Variants in GNAL observed in about 807,000 individuals in gnomAD.
GNAL encodes the protein guanine nucleotide-binding protein G(olf) subunit alpha.
In GNAL, 18 loss-of-function variants were observed where a neutral mutation model predicts 55.1. The ratio of observed to expected loss-of-function variants is 0.33; its 90% CI spans 0.23 to 0.48. The LOEUF is 0.48. Among genes scored for constraint, GNAL ranks in the 20% least tolerant of loss-of-function variants. The probability of loss-of-function intolerance (pLI) is 0.99; values close to 1 mark genes in which losing one functional copy is unlikely to be tolerated. For missense variants in GNAL, 412 were observed against 614.1 expected (o/e 0.67, Z 3.48); for synonymous variants, 253 against 237.0 (o/e 1.07, Z -0.62).
chr18:11,720,420 A>G (rs1033926481), intron 1 of GNAL, among the ~76,000 whole-genome samples: 17 of 152,232 alleles, frequency 1.1e-4, no homozygotes, highest in Non-Finnish European at 2.5e-4. Context: ...AAGTGCTCCC[A>G]TTATCAAAAT....
intron 5 of GNAL, among the ~76,000 whole-genome samples, chr18:11,844,800 C>A (rs2035695572): frequency 6.6e-6 from 1 of 152,136 alleles, no homozygotes; most frequent in Non-Finnish European, 1.5e-5. Context: ...TAATGTGCAA[C>A]AAAATTAACT....
At chr18:11,795,786 A>T (rs2034362914) in intron 4 of GNAL, among the ~76,000 whole-genome samples, 1 of 152,210 alleles carries the variant, frequency 6.6e-6, no homozygotes. Flanking sequence ...CCCTTGGCTG[A>T]GAAGAGCTCC....
chr18:11,877,734 C>T (rs1374517713), intron 11 of GNAL, among the ~76,000 whole-genome samples: 8 of 152,158 alleles, frequency 5.3e-5, no homozygotes, highest in African/African-American at 1.4e-4. Context: ...CCACGGGGAC[C>T]GGCACTCCAG....
intron 4 of GNAL, among the ~76,000 whole-genome samples, chr18:11,816,630 A>G (rs960696950): frequency 6.6e-6 from 1 of 151,990 alleles, no homozygotes; most frequent in East Asian, 1.9e-4. Context: ...CCTGGCCAAC[A>G]CGGTGAAACC....
intron 5 of GNAL, chr18:11,854,569 G>T (rs994539545): frequency 7.6e-5 from 12 of 157,152 alleles, no homozygotes; most frequent in African/African-American, 2.9e-4. Flanking sequence ...ATCACCTGAG[G>T]TCAGGAGTTT....
chr18:11,733,831 C>T (rs1354939911), intron 1 of GNAL, among the ~76,000 whole-genome samples: 1 of 148,950 alleles, frequency 6.7e-6, no homozygotes, highest in African/African-American at 2.5e-5. Flanking sequence ...GCTCTATAGC[C>T]ATGCAACAAA....
intron 4 of GNAL, among the ~76,000 whole-genome samples, chr18:11,768,910 A>G (rs2033506560): frequency 1.5e-5 from 2 of 132,210 alleles, no homozygotes; most frequent in African/African-American, 2.9e-5. Flanking sequence ...AAAAAAAAAT[A>G]TATATATAAC....
intron 4 of GNAL, among the ~76,000 whole-genome samples, chr18:11,788,928 T>TATATATATAC (rs1555650670): frequency 5.6e-4 from 64 of 114,900 alleles, no homozygotes; most frequent in Admixed American, 7.9e-4. Flanking sequence ...TATATATATA[T>TATATATATAC]ATATATATAC....
chr18:11,880,224 T>C (rs895448510), intron 11 of GNAL, among the ~76,000 whole-genome samples: 1 of 150,916 alleles, frequency 6.6e-6, no homozygotes, highest in African/African-American at 2.4e-5. Flanking sequence ...ACCACTGCAC[T>C]CCAGCCTGGG....
At position 11,689,743 on chromosome 18, in the gene GNAL, C is replaced by G; in HGVS notation, c.180C>G (p.Ser60Arg). The G allele has an allele frequency of 6.6e-7, 1 of 1,506,088 alleles. No homozygotes were observed. Among genetic ancestry groups the G allele is most frequent in the Non-Finnish European group, 8.8e-7 (1 of 1,131,184 alleles). 93.3% of individuals were successfully genotyped at this position (1,506,088 alleles called of 1,614,324 possible). The part of the protein sequence containing the change: ...RTLLPRGGEG[S>R]PACARPKADK... ...TGCTCCCTCGGGGCGGCGAAGGGAG[C>G]CCGGCATGCGCTCGGCCCAAAGCAG... The change falls in exon 1 of 12, where the codon AGC becomes AGG. Residue 60 changes from serine to arginine, a missense_variant. By Grantham distance (110) the Ser-to-Arg change is moderately radical. Transcript: ENST00000334049.
chr18:11,778,782 A>T (rs2033852093), intron 4 of GNAL, among the ~76,000 whole-genome samples: 1 of 151,930 alleles, frequency 6.6e-6, no homozygotes, highest in South Asian at 2.1e-4. Context: ...AATTTTATAG[A>T]TAGTAACCTT....
chr18:11,753,793 T>G, intron 3 of GNAL, 33 bp from the exon 4 acceptor site: 1 of 1,561,054 alleles, frequency 6.4e-7, no homozygotes, highest in South Asian at 1.1e-5. Flanking sequence ...AGCCTAAATG[T>G]TTATCCATAT....
At chr18:11,758,249 G>C (rs2033126040) in intron 4 of GNAL, among the ~76,000 whole-genome samples, 1 of 152,198 alleles carries the variant, frequency 6.6e-6, no homozygotes, top group Non-Finnish European at 1.5e-5. Context: ...TGGTGGCAGA[G>C]AGGTGAGGGA....
rs935650184 is a variant in GNAL, at chr18:11,752,725, T to C, written c.377-128T>C. On this transcript the variant is annotated intron_variant, in intron 1 of 11. Transcript: ENST00000334049. The surrounding 1 kb of genome is among the most constrained non-coding windows in gnomAD (Gnocchi z 4.5). ...CCAGACGGCGGCCGGGGCGAGCTCC[T>C]CCAGCCAGGAACCCGCGTGTAGGAA... 8 of 1,180,024 alleles carry C rather than the reference T, an allele frequency of 6.8e-6. No individual in the cohort carries two copies. The highest frequency in any genetic ancestry group is 9.7e-6 in the Non-Finnish European group (8 of 827,356). 73.1% of individuals were successfully genotyped at this position (1,180,024 alleles called of 1,614,324 possible).
At chr18:11,849,790 A>G (rs909552143) in intron 5 of GNAL, among the ~76,000 whole-genome samples, 1 of 152,228 alleles carries the variant, frequency 6.6e-6, no homozygotes, top group African/African-American at 2.4e-5. Context: ...CTAAGCTGCT[A>G]ACTAGGGTAA....
At chr18:11,754,387 A>C (rs2032968809) in intron 4 of GNAL, among the ~76,000 whole-genome samples, 1 of 152,086 alleles carries the variant, frequency 6.6e-6, no homozygotes, top group Admixed American at 6.5e-5. Flanking sequence ...ACTGCACTCC[A>C]GCCTGGGCGA....
At chr18:11,748,282 G>C (rs1315087625) in intron 1 of GNAL, among the ~76,000 whole-genome samples, 1 of 152,170 alleles carries the variant, frequency 6.6e-6, no homozygotes, top group Non-Finnish European at 1.5e-5. Context: ...GCAGGTAATA[G>C]TGCGAATGTT....
At chr18:11,788,921 A>ATATATATG (rs1555650660) in intron 4 of GNAL, among the ~76,000 whole-genome samples, 14 of 126,802 alleles carry the variant, frequency 1.1e-4, no homozygotes, top group African/African-American at 3.6e-4. Flanking sequence ...AAAAATATAT[A>ATATATATG]TATATATATA....
intron 5 of GNAL, among the ~76,000 whole-genome samples, chr18:11,839,460 G>A (rs901471577): frequency 2.7e-5 from 4 of 145,980 alleles, no homozygotes; most frequent in Non-Finnish European, 6.0e-5. Context: ...TGGTGAAAGC[G>A]GGAGGATTGC....
Sources: gnomAD v4.1 joint callset for allele counts (sites outside exome capture counted in the v4.1 genomes callset) on GRCh38, gnomAD v4.1.1 for gene constraint, Gnocchi (gnomAD v3.1) non-coding constraint, MANE v1.5 for transcripts, NCBI Gene and HGNC (gene_info 2026-07-23, HGNC 2026-07-21) for gene names.